Variants in AFTPH observed in about 807,000 individuals in gnomAD.
The protein encoded by AFTPH is aftiphilin.
A neutral mutation model predicts 72.5 loss-of-function variants in AFTPH; 7 were observed. That is an observed-to-expected ratio of 0.10 (90% CI 0.05 to 0.18). The LOEUF (loss-of-function observed/expected upper bound fraction) is 0.18, where lower values mean the gene tolerates loss of function less well. AFTPH is among the 10% of genes least tolerant of loss of function. The pLI is 1.00. For synonymous variants in AFTPH, 337 were observed against 370.1 expected (o/e 0.91, Z 1.03); for missense variants, 979 against 1,060.5 (o/e 0.92, Z 1.07).
chr2:64,525,320 G>T lies in AFTPH; in HGVS notation c.-33+708G>T, dbSNP rs137875160. 9.2e-5 allele frequency among the ~76,000 whole-genome samples: 14 copies of T among 152,350 alleles called. No individual in the cohort carries two copies. In the East Asian group the frequency reaches 2.3e-3, roughly 25 times the overall value. Reference sequence around the variant, plus strand: ...GCAGAGGCAGAGTATGGAGTGAGGGGTGGTAGGGTCCTTGCTCTATTAGGA... The same window carrying T: ...GCAGAGGCAGAGTATGGAGTGAGGGTTGGTAGGGTCCTTGCTCTATTAGGA... On this transcript the variant is annotated intron_variant, in intron 1 of 8. Transcript: ENST00000238856.
At chr2:64,541,975 C>T (rs1670281737) in intron 1 of AFTPH, among the ~76,000 whole-genome samples, 1 of 152,084 alleles carries the variant, frequency 6.6e-6, no homozygotes, top group South Asian at 2.1e-4. Context: ...TATCACCATC[C>T]TTCTTTCTAC....
intron 8 of AFTPH, among the ~76,000 whole-genome samples, chr2:64,590,026 T>G (rs151099949): frequency 4.7e-4 from 72 of 151,596 alleles, no homozygotes; most frequent in African/African-American, 1.6e-3. Flanking sequence ...CTAGTCTTAG[T>G]CAGTGATCTC....
At position 64,550,687 on chromosome 2, in the gene AFTPH, A is replaced by G. The variant is rs1211478287; in HGVS notation, c.-32-756A>G. On this transcript the variant is annotated intron_variant, in intron 1 of 8. Transcript: ENST00000238856. ...TAGAACTGTACGCATGCACACACAC[A>G]CACACACACACACACACACACACAC... Among the ~76,000 whole-genome samples the G allele has an allele frequency of 0.01, 566 of 56,410 alleles. 9 individuals are homozygous for G. The South Asian group carries it at 0.11, about 11-fold the overall frequency. The allele number at this position is 56,410 out of a possible 152,430, so 37.0% of individuals were successfully genotyped here.
intron 2 of AFTPH, 28 bp from the exon 3 acceptor site, chr2:64,567,531 AAAT>A: frequency 1.3e-6 from 2 of 1,582,050 alleles, no homozygotes; most frequent in African/African-American, 1.4e-5. Context: ...AATTAAATGA[AAAT>A]AAACTTTTGG....
intron 6 of AFTPH, among the ~76,000 whole-genome samples, chr2:64,577,113 G>A (rs1461185504): frequency 1.3e-5 from 2 of 152,292 alleles, no homozygotes; most frequent in East Asian, 3.9e-4. Context: ...CCAAAACCAT[G>A]TATTAGTGGT....
At chr2:64,581,052 G>T in intron 7 of AFTPH, 138 bp from the exon 8 acceptor site, 1 of 573,168 alleles carries the variant, frequency 1.7e-6, no homozygotes, top group Non-Finnish European at 3.1e-6. Context: ...TTTTAATGTT[G>T]ATTTTTAAAA....
At chr2:64,573,508 A>AT (rs1672575685) in intron 6 of AFTPH, among the ~76,000 whole-genome samples, 1 of 151,848 alleles carries the variant, frequency 6.6e-6, no homozygotes, top group Non-Finnish European at 1.5e-5. Flanking sequence ...TTGTATGTGT[A>AT]TTTTTTCTGG....
chr2:64,574,483 T>C (rs1672649262), intron 6 of AFTPH, among the ~76,000 whole-genome samples: 1 of 152,198 alleles, frequency 6.6e-6, no homozygotes, highest in African/African-American at 2.4e-5. Flanking sequence ...GGACCTTTTA[T>C]TGCAGAGATC....
chr2:64,564,628 T>A (rs200140622), intron 2 of AFTPH, among the ~76,000 whole-genome samples: 24 of 145,626 alleles, frequency 1.6e-4, no homozygotes, highest in East Asian at 4.2e-4. Flanking sequence ...AAATAAAAAA[T>A]AAAAAATAAA....
At chr2:64,552,312 G>A (rs755134312) in exon 2 of AFTPH, 1 of 1,614,122 alleles carries the variant, frequency 6.2e-7, no homozygotes, top group South Asian at 1.1e-5. Flanking sequence ...AAAAGAAGTG[G>A]CTTTGGGTAG....
chr2:64,551,658 T>G (rs772080583), exon 2 of AFTPH: 1 of 1,614,032 alleles, frequency 6.2e-7, no homozygotes, highest in Non-Finnish European at 8.5e-7. Context: ...GTTTGTACCT[T>G]CAAACCATTT....
intron 7 of AFTPH, 127 bp from the exon 8 acceptor site, chr2:64,581,062 AT>A: frequency 5.1e-6 from 3 of 586,894 alleles, no homozygotes; most frequent in Non-Finnish European, 9.0e-6. Context: ...GATTTTTAAA[AT>A]GTGTAATGAT....
At chr2:64,584,145 C>G (rs80281723) in intron 7 of AFTPH, among the ~76,000 whole-genome samples, 1 of 151,834 alleles carries the variant, frequency 6.6e-6, no homozygotes, top group East Asian at 1.9e-4. Flanking sequence ...CTTTTTTTCT[C>G]AAGTTATTTG....
At chr2:64,540,568 C>A (rs550173759) in intron 1 of AFTPH, among the ~76,000 whole-genome samples, 1 of 152,086 alleles carries the variant, frequency 6.6e-6, no homozygotes, top group Non-Finnish European at 1.5e-5. Flanking sequence ...ACCAACTTCT[C>A]TCAAATAACT....
exon 2 of AFTPH, chr2:64,552,238 A>C: frequency 6.2e-7 from 1 of 1,613,982 alleles, no homozygotes; most frequent in South Asian, 1.1e-5. Flanking sequence ...GTTTTAAATG[A>C]TAGAGAAGCA....
intron 2 of AFTPH, among the ~76,000 whole-genome samples, chr2:64,556,292 C>G (rs1671372113): frequency 6.6e-6 from 1 of 152,084 alleles, no homozygotes; most frequent in Non-Finnish European, 1.5e-5. Context: ...CTAGCCTCCT[C>G]ACATATTAAT....
At chr2:64,528,935 A>G (rs574129880) in intron 1 of AFTPH, among the ~76,000 whole-genome samples, 4 of 152,276 alleles carry the variant, frequency 2.6e-5, no homozygotes, top group Non-Finnish European at 4.4e-5. Context: ...AAAATAGACT[A>G]TAGGAGTGGA....
Position 64,566,771 on chromosome 2 carries a change from C to CT in AFTPH, c.1936-788dup, listed in dbSNP as rs200078152. On this transcript the variant is annotated intron_variant, in intron 2 of 8. Coordinates refer to ENST00000238856, the Ensembl canonical transcript of AFTPH. ...CAGCAAGTTTTAGTTAATAAAAATACTTTAAAAAAAAAAAGCCAAGAAATG... is the reference window on the plus strand; with the variant it reads ...CAGCAAGTTTTAGTTAATAAAAATACTTTTAAAAAAAAAAAGCCAAGAAATG... Among the ~76,000 whole-genome samples the CT allele has an allele frequency of 1.6e-3, 227 of 141,998 alleles. 3 individuals are homozygous for CT. The highest frequency in any genetic ancestry group is 5.9e-3 in the African/African-American group (205 of 34,542). 93.2% of individuals were successfully genotyped at this position (141,998 alleles called of 152,430 possible). A position where few individuals can be genotyped will look rare whatever the true frequency, so the allele number is the denominator to read the frequency against.
chr2:64,552,298 C>T, exon 2 of AFTPH: 1 of 1,614,064 alleles, frequency 6.2e-7, no homozygotes, highest in Non-Finnish European at 8.5e-7. Context: ...GAACTGAATT[C>T]TGTAAAAGAA....
Sources: gnomAD v4.1 joint callset for allele counts (sites outside exome capture counted in the v4.1 genomes callset) on GRCh38, gnomAD v4.1.1 for gene constraint, MANE v1.5 for transcripts, NCBI Gene and HGNC (gene_info 2026-07-23, HGNC 2026-07-21) for gene names.